The following MAST1 variants were observed in gnomAD, a reference collection of about 807,000 sequenced individuals.
The protein encoded by MAST1 is microtubule-associated serine/threonine-protein kinase 1.
MAST1 carries 40 observed loss-of-function variants against 124.6 expected under a neutral mutation model. The observed-to-expected ratio is 0.32, with a 90% CI of 0.25 to 0.42. MAST1 has a LOEUF of 0.42. MAST1 is among the 10% of genes least tolerant of loss of function. The probability of loss-of-function intolerance (pLI) is 1.00; values close to 1 mark genes in which losing one functional copy is unlikely to be tolerated. For missense variants in MAST1, 1,558 were observed against 2,181.9 expected (o/e 0.71, Z 5.70); for synonymous variants, 938 against 939.4 (o/e 1.00, Z 0.03).
intron 12 of MAST1, among the ~76,000 whole-genome samples, chr19:12,861,585 G>A (rs988350820): frequency 6.6e-6 from 1 of 152,214 alleles, no homozygotes; most frequent in Non-Finnish European, 1.5e-5. Flanking sequence ...GCGCTGATGA[G>A]GAGGGTATTC....
Position 12,841,098 on chromosome 19 carries a change from C to G in MAST1, c.248+32C>G. 9.7e-7 allele frequency: 1 copy of G among 1,028,698 alleles called. No homozygotes were observed. Among genetic ancestry groups the G allele is most frequent in the South Asian group, 1.3e-5 (1 of 77,798 alleles). The allele number at this position is 1,028,698 out of a possible 1,614,324, so 63.7% of individuals were successfully genotyped here. ...CCCTCCCCTCCAGGGCCCCAGAACC[C>G]TGGGCAGACCCTCCCCAACCACTGT... On this transcript the variant is annotated intron_variant, in intron 3 of 25. Coordinates refer to ENST00000251472, the MANE Select transcript of MAST1 (RefSeq NM_014975.3). This position sits in a 1 kb window ranked among gnomAD's most constrained non-coding sequence, Gnocchi z 4.3.
chr19:12,852,413 A>G lies in MAST1; in HGVS notation c.1077+18A>G, dbSNP rs1445415902. The G allele has an allele frequency of 1.9e-6, 3 of 1,592,852 alleles. No individual in the cohort carries two copies. Among genetic ancestry groups the G allele is most frequent in the Admixed American group, 1.7e-5 (1 of 59,688 alleles). ...TCTCTGAGGTAAGGCTGGGTGGCTAAGCGGTCAGTACCCTGGTTCCTGGGA... is the reference window on the plus strand; with the variant it reads ...TCTCTGAGGTAAGGCTGGGTGGCTAGGCGGTCAGTACCCTGGTTCCTGGGA... On this transcript the variant is annotated intron_variant, in intron 10 of 25. Coordinates refer to ENST00000251472, the MANE Select transcript of MAST1 (RefSeq NM_014975.3).
intron 1 of MAST1, 110 bp from the exon 2 acceptor site, chr19:12,840,336 C>G: frequency 1.4e-6 from 1 of 728,400 alleles, no homozygotes; most frequent in East Asian, 2.7e-5. Context: ...CCTCCAAACA[C>G]ACATGGATGG....
At position 12,858,398 on chromosome 19, in the gene MAST1, A is replaced by G. The variant is rs754879538; in HGVS notation, c.1114A>G (p.Asn372Asp). 10 of 1,613,956 alleles carry G rather than the reference A, an allele frequency of 6.2e-6. No individual in the cohort carries two copies. The highest frequency in any genetic ancestry group is 7.6e-6 in the Non-Finnish European group (9 of 1,179,966). ...CAAGGCCAAGAAACCGCCGGGGGAG[A>G]ATGACTTCGATACCATCAAGCTCAT... ...SSKAKKPPGE[N>D]DFDTIKLISN... The change falls in exon 11 of 26, where the codon AAT (asparagine) becomes GAT (aspartate). Residue 372 changes from asparagine to aspartate, a missense_variant. This residue lies in a region of MAST1 where 136 missense variants were observed against 160.9 expected (regional missense o/e 0.85). Coordinates refer to ENST00000251472, the MANE Select transcript of MAST1 (RefSeq NM_014975.3).
At position 12,858,406 on chromosome 19, in the gene MAST1, C is replaced by T. The variant is rs1475923113; in HGVS notation, c.1122C>T (p.Phe374=). 3.1e-6 allele frequency: 5 copies of T among 1,613,826 alleles called. No homozygotes were observed. Among genetic ancestry groups the T allele is most frequent in the African/African-American group, 1.3e-5 (1 of 74,892 alleles). ...KAKKPPGEND[F]DTIKLISNGA... ...AGAAACCGCCGGGGGAGAATGACTT[C>T]GATACCATCAAGCTCATAAGCAACG... The change falls in exon 11 of 26, where the codon TTC becomes TTT. Residue 374 remains phenylalanine (F), a synonymous_variant. Transcript: ENST00000251472.
chr19:12,847,907 C>A lies in MAST1; in HGVS notation c.624C>A (p.Ser208Arg), dbSNP rs1234765994. The change falls in exon 7 of 26, where the codon AGC becomes AGA. Residue 208 changes from serine to arginine, a missense_variant. Physicochemically the swap from Ser to Arg is moderately radical, Grantham distance 110 (BLOSUM62 -1). This residue lies in a region of MAST1 where 165 missense variants were observed against 315.3 expected (regional missense o/e 0.52). Coordinates refer to ENST00000251472, the MANE Select transcript of MAST1 (RefSeq NM_014975.3). This position sits in a 1 kb window ranked among gnomAD's most constrained non-coding sequence, Gnocchi z 5.5. ...TTACCCGCGCCTACGAACCCGACAG[C>A]GTTCTGCCTCTGGCCGATGGCGTGC... The part of the protein sequence containing the change: ...RDFTRAYEPD[S>R]VLPLADGVLS... 2 of 1,613,940 alleles carry A rather than the reference C, an allele frequency of 1.2e-6. No individual in the cohort carries two copies. The highest frequency in any genetic ancestry group is 4.5e-5 in the East Asian group (2 of 44,886).
At chr19:12,856,869 A>G (rs992483353) in intron 10 of MAST1, among the ~76,000 whole-genome samples, 5 of 152,224 alleles carry the variant, frequency 3.3e-5, no homozygotes, top group African/African-American at 1.2e-4. Context: ...GCATAAATTC[A>G]AAAGTAAAAT....
At chr19:12,857,575 C>T (rs1190464552) in intron 10 of MAST1, among the ~76,000 whole-genome samples, 1 of 151,998 alleles carries the variant, frequency 6.6e-6, no homozygotes, top group East Asian at 1.9e-4. Context: ...CCATGCCTGG[C>T]TAATTGTTTC....
chr19:12,857,016 A>G lies in MAST1; in HGVS notation c.1078-1346A>G, dbSNP rs552213062. Among the ~76,000 whole-genome samples the G allele has an allele frequency of 2.6e-5, 4 of 152,276 alleles. No individual in the cohort carries two copies. The South Asian group carries it at 6.2e-4, about 24-fold the overall frequency. ...TCAGGTTTTGGAGTTTTTTCTCCCA[A>G]TCTGCTAGGTGAAAAATGGTATTTT... On this transcript the variant is annotated intron_variant, in intron 10 of 25. Coordinates refer to ENST00000251472, the MANE Select transcript of MAST1 (RefSeq NM_014975.3).
chr19:12,840,269 C>G (rs1969809557), intron 1 of MAST1, among the ~76,000 whole-genome samples, 177 bp from the exon 2 acceptor site: 1 of 152,232 alleles, frequency 6.6e-6, no homozygotes, highest in African/African-American at 2.4e-5. Context: ...CATCCCCTGC[C>G]GTACACAGTC....
chr19:12,844,528 A>G (rs558000966), intron 4 of MAST1, among the ~76,000 whole-genome samples: 3 of 152,324 alleles, frequency 2.0e-5, no homozygotes, highest in African/African-American at 4.8e-5. Context: ...GGGGAGAGGC[A>G]TGTGACTCAG....
At chr19:12,849,367 A>C in intron 7 of MAST1, among the ~76,000 whole-genome samples, 1 of 152,138 alleles carries the variant, frequency 6.6e-6, no homozygotes, top group East Asian at 1.9e-4. Context: ...TCTCTAAAAC[A>C]ATTTAAAAAA....
chr19:12,839,889 C>G (rs1046450468), intron 1 of MAST1, among the ~76,000 whole-genome samples: 12 of 152,060 alleles, frequency 7.9e-5, no homozygotes, highest in African/African-American at 2.9e-4. Context: ...AGCCGGGCGA[C>G]AGAGCGAGAC....
chr19:12,848,120 C>A, intron 7 of MAST1, 63 bp downstream of exon 7: 2 of 1,430,224 alleles, frequency 1.4e-6, no homozygotes, highest in Non-Finnish European at 1.9e-6. Context: ...GCCCAATGCA[C>A]CCCTTTCTTC....
In MAST1 at chr19:12,873,843, C is replaced by A; in HGVS notation, c.3686C>A (p.Ser1229Ter). 6.3e-7 allele frequency: 1 copy of A among 1,588,730 alleles called. No individual in the cohort carries two copies. The highest frequency in any genetic ancestry group is 8.5e-7 in the Non-Finnish European group (1 of 1,174,784). The change falls in exon 26 of 26, where the codon TCG becomes TAG. Residue 1229 changes from serine to a stop codon, truncating the protein, a stop_gained. Coordinates refer to ENST00000251472, the MANE Select transcript of MAST1 (RefSeq NM_014975.3). LOFTEE classifies it low-confidence loss of function (END_TRUNC). ...CTGCCGGGCCACACGGTGGGCAGCT[C>A]GCACACTACTCAGAGCTTCCCGGCC... ...PPLPGHTVGS[S>*]HTTQSFPAKL... is the part of the protein sequence containing the mutation.
rs934454636 is a variant in MAST1, at chr19:12,873,307, C to G, written c.3264-17C>G. On this transcript the variant is annotated splice_polypyrimidine_tract_variant and intron_variant, in intron 24 of 25. Coordinates refer to ENST00000251472, the MANE Select transcript of MAST1 (RefSeq NM_014975.3). The stretch of plus-strand genomic sequence containing the variant: ...GCGTCCAGGTCAAGGACGCTTGGCC[C>G]CCTCCCTGTCCCGCAGCAAGAAGCG... The G allele has an allele frequency of 6.8e-6, 11 of 1,608,268 alleles. No homozygotes were observed. The African/African-American group carries it at 1.5e-4, about 21-fold the overall frequency.
At position 12,867,669 on chromosome 19, in the gene MAST1, C is replaced by A. The variant is rs762230351; in HGVS notation, c.2318+17C>A. 1.6e-5 allele frequency: 25 copies of A among 1,559,044 alleles called. No homozygotes were observed. The highest frequency in any genetic ancestry group is 2.2e-5 in the Non-Finnish European group (25 of 1,153,092). ...TCCGGAGATGTGAGCAGGGGAATGG[C>A]GGAGTTTGGGGGCGGGGTCGAAGGG... On this transcript the variant is annotated intron_variant, in intron 19 of 25. Coordinates refer to ENST00000251472, the MANE Select transcript of MAST1 (RefSeq NM_014975.3).
In MAST1 at chr19:12,858,584, A is replaced by G; in HGVS notation, c.1211A>G (p.Lys404Arg). 2 of 1,614,242 alleles carry G rather than the reference A, an allele frequency of 1.2e-6. No homozygotes were observed. Among genetic ancestry groups the G allele is most frequent in the South Asian group, 2.2e-5 (2 of 91,084 alleles). ...RDTRQRFAMKKINKQNLILRN... is the reference protein window; with the variant it reads ...RDTRQRFAMKRINKQNLILRN... ...ACGCGGCAGCGCTTTGCCATGAAAA[A>G]GATCAACAAGCAGAACTTGATCCTC... The change falls in exon 12 of 26, where the codon AAG becomes AGG. Residue 404 changes from lysine (K) to arginine (R), a missense_variant. Around this residue, in one of 10 missense-constraint regions of MAST1, gnomAD observed 136 missense variants for 160.9 expected, o/e 0.85. Transcript: ENST00000251472.
rs35071862 is a variant in MAST1, at chr19:12,874,031, C to T, written c.3874C>T (p.Pro1292Ser). Residue 1292 changes from proline (P) to serine (S), a missense_variant, in exon 26 of 26, where the codon CCG becomes TCG. Around this residue, in one of 10 missense-constraint regions of MAST1, gnomAD observed 263 missense variants for 310.9 expected, o/e 0.85. Coordinates refer to ENST00000251472, the MANE Select transcript of MAST1 (RefSeq NM_014975.3). The surrounding 1 kb of genome is among the most constrained non-coding windows in gnomAD (Gnocchi z 6.6). ...LRKHSLEVGH[P>S]DFRKDFHGEL... Reference sequence around the variant, plus strand: ...CAAACACAGCCTCGAGGTGGGCCACCCGGATTTCCGCAAGGACTTCCATGG... The same window carrying T: ...CAAACACAGCCTCGAGGTGGGCCACTCGGATTTCCGCAAGGACTTCCATGG... The T allele has an allele frequency of 3.1e-6, 5 of 1,605,562 alleles. No individual in the cohort carries two copies. The East Asian group carries it at 8.9e-5, about 29-fold the overall frequency.
Sources: allele counts gnomAD v4.1 joint callset (sites outside exome capture counted in the v4.1 genomes callset), GRCh38; gene constraint gnomAD v4.1.1; regional missense constraint gnomAD v4.1.1; non-coding constraint Gnocchi (gnomAD v3.1); transcripts MANE v1.5; gene names NCBI Gene and HGNC (gene_info 2026-07-23, HGNC 2026-07-21).